The following PPFIBP2 variants were observed in gnomAD, a reference collection of about 807,000 sequenced individuals.
PPFIBP2 encodes the protein PPFIB scaffold protein 2.
Under a neutral mutation model 118.3 loss-of-function variants are expected in PPFIBP2, and 118 were observed. The ratio of observed to expected loss-of-function variants is 1.00; its 90% CI spans 0.86 to 1.16. The LOEUF is 1.16. Ranked by LOEUF, PPFIBP2 falls within the 50% of genes most tolerant of loss-of-function variation. The pLI, the probability that PPFIBP2 is intolerant of heterozygous loss-of-function variation, is 0.00. For synonymous variants in PPFIBP2, 414 were observed against 397.4 expected, an observed-to-expected ratio of 1.04 and a Z score of -0.50; for missense variants, 1,195 against 1,073.1, an observed-to-expected ratio of 1.11 and a Z score of -1.59.
In PPFIBP2 at chr11:7,641,721, G is replaced by A. The variant is rs1852225701; in HGVS notation, c.1517+101G>A. ...CCCTGGTCCAATAGACACTGAAACA[G>A]CAGTCAAAACAGAGTGTTCATGTTC... On this transcript the variant is annotated intron_variant, in intron 16 of 23. Transcript: ENST00000299492. 6.7e-6 allele frequency: 8 copies of A among 1,189,858 alleles called. No homozygotes were observed. The Admixed American group carries it at 1.1e-4, about 16-fold the overall frequency. 73.7% of individuals were successfully genotyped at this position (1,189,858 alleles called of 1,614,324 possible).
intron 3 of PPFIBP2, among the ~76,000 whole-genome samples, chr11:7,574,470 G>C (rs1856033877): frequency 6.6e-6 from 1 of 152,208 alleles, no homozygotes. Flanking sequence ...CTAGCCTTTT[G>C]GGAGTCATGG....
intron 5 of PPFIBP2, among the ~76,000 whole-genome samples, chr11:7,605,520 G>C (rs1219932172): frequency 6.6e-6 from 1 of 152,190 alleles, no homozygotes; most frequent in Non-Finnish European, 1.5e-5. Flanking sequence ...CCTTTCACTA[G>C]CAATTTTTAA....
downstream of PPFIBP2, chr11:7,655,414 G>C (rs1275439994): frequency 1.6e-6 from 2 of 1,289,348 alleles, no homozygotes; most frequent in African/African-American, 3.0e-5. Flanking sequence ...TGCTGACCAG[G>C]CTGCTGCCCA....
At chr11:7,636,606 G>A (rs1851486148) in intron 14 of PPFIBP2, among the ~76,000 whole-genome samples, 1 of 152,044 alleles carries the variant, frequency 6.6e-6, no homozygotes, top group Admixed American at 6.6e-5. Context: ...GAGGTCATTC[G>A]CAGGTGTTTC....
chr11:7,647,869 T>C (rs1853344607), intron 17 of PPFIBP2, among the ~76,000 whole-genome samples: 1 of 152,238 alleles, frequency 6.6e-6, no homozygotes, highest in Non-Finnish European at 1.5e-5. Context: ...GACTTTAATG[T>C]GAATGTTCCT....
chr11:7,608,474 CTACTAAAAA>C (rs112762464), intron 5 of PPFIBP2, among the ~76,000 whole-genome samples: 6,871 of 152,132 alleles, frequency 0.045, 524 homozygotes, highest in African/African-American at 0.15. Context: ...AACCCCGTCT[CTACTAAAAA>C]TACAAAATCC....
intron 3 of PPFIBP2, among the ~76,000 whole-genome samples, chr11:7,587,899 G>T (rs1221329812): frequency 6.6e-6 from 1 of 152,198 alleles, no homozygotes; most frequent in East Asian, 1.9e-4. Flanking sequence ...ACAAACAATA[G>T]ATTCCATTAA....
intron 1 of PPFIBP2, among the ~76,000 whole-genome samples, chr11:7,549,171 A>G (rs1354037261): frequency 1.3e-5 from 2 of 152,198 alleles, no homozygotes; most frequent in African/African-American, 4.8e-5. Context: ...TGAGGTGTTA[A>G]CAATTGCCGT....
intron 6 of PPFIBP2, chr11:7,617,191 G>A (rs544890087): frequency 1.5e-4 from 152 of 985,402 alleles, no homozygotes; most frequent in Middle Eastern, 5.2e-4. Context: ...ATTCAAGAGC[G>A]CCTGTTACTC....
chr11:7,553,290 T>C (rs891603831), intron 2 of PPFIBP2, among the ~76,000 whole-genome samples: 1 of 152,212 alleles, frequency 6.6e-6, no homozygotes, highest in African/African-American at 2.4e-5. Context: ...AGTAACTGGC[T>C]CACACAGATA....
intron 2 of PPFIBP2, among the ~76,000 whole-genome samples, chr11:7,551,055 C>CTATAGA (rs1348318581): frequency 5.1e-4 from 78 of 152,068 alleles, no homozygotes; most frequent in African/African-American, 1.9e-3. Flanking sequence ...ATATAGATAT[C>CTATAGA]TATAGATATC....
chr11:7,545,535 T>G (rs955500661), intron 1 of PPFIBP2, among the ~76,000 whole-genome samples: 8 of 152,232 alleles, frequency 5.3e-5, no homozygotes, highest in African/African-American at 1.4e-4. Flanking sequence ...AATCTCTTAC[T>G]GTGCCGTGCC....
intron 1 of PPFIBP2, among the ~76,000 whole-genome samples, chr11:7,528,079 A>C (rs1850381154): frequency 6.6e-6 from 1 of 152,122 alleles, no homozygotes; most frequent in Non-Finnish European, 1.5e-5. Flanking sequence ...GCCTGACCCC[A>C]AACTCTGTTC....
chr11:7,623,799 C>G (rs982281604), intron 7 of PPFIBP2, among the ~76,000 whole-genome samples: 1 of 152,216 alleles, frequency 6.6e-6, no homozygotes, highest in East Asian at 1.9e-4. Context: ...AAAGGAATAT[C>G]TTTCAAGAAT....
intron 23 of PPFIBP2, 47 bp from the exon 24 acceptor site, chr11:7,652,977 C>T: frequency 1.3e-6 from 2 of 1,564,448 alleles, no homozygotes; most frequent in East Asian, 2.2e-5. Context: ...CATACCTGCA[C>T]ACTGCCTTGA....
chr11:7,587,829 T>C (rs1408843545), intron 3 of PPFIBP2, among the ~76,000 whole-genome samples: 2 of 152,234 alleles, frequency 1.3e-5, no homozygotes, highest in Non-Finnish European at 2.9e-5. Flanking sequence ...TCTAAGAAGA[T>C]GGCAGCCCTC....
chr11:7,591,001 T>C (rs1859180063), intron 3 of PPFIBP2, among the ~76,000 whole-genome samples: 1 of 152,232 alleles, frequency 6.6e-6, no homozygotes. Context: ...TCTCTTTTTT[T>C]ACTGGCTGCT....
At chr11:7,522,325 T>G (rs373443315) in intron 1 of PPFIBP2, among the ~76,000 whole-genome samples, 1 of 152,192 alleles carries the variant, frequency 6.6e-6, no homozygotes, top group East Asian at 1.9e-4. Context: ...AGGCAACTGT[T>G]AGTAGCATGA....
At position 7,624,886 on chromosome 11, in the gene PPFIBP2, G is replaced by C. The variant is rs142138390; in HGVS notation, c.712-891G>C. Among the ~76,000 whole-genome samples, 618 of 152,286 alleles carry C rather than the reference G, an allele frequency of 4.1e-3. 7 individuals are homozygous for C. Among genetic ancestry groups the C allele is most frequent in the African/African-American group, 0.014 (577 of 41,554 alleles). ...AGAAAGGTTAACTTACTTGCTCAAG[G>C]TCACCCAACTAGGAAATGAGAGAAT... is the stretch of plus-strand genomic sequence containing the variant. On this transcript the variant is annotated intron_variant, in intron 7 of 23. Coordinates refer to ENST00000299492, the MANE Select transcript of PPFIBP2 (RefSeq NM_003621.5).
Sources: gnomAD v4.1 joint callset for allele counts (sites outside exome capture counted in the v4.1 genomes callset) on GRCh38, gnomAD v4.1.1 for gene constraint, MANE v1.5 for transcripts, NCBI Gene and HGNC (gene_info 2026-07-23, HGNC 2026-07-21) for gene names.